PNOC: variants seen among roughly 807,000 people sequenced by gnomAD.
The protein encoded by PNOC is nociceptin.
In PNOC, 10 loss-of-function variants were observed where a neutral mutation model predicts 15.6. That is an observed-to-expected ratio of 0.64 (90% confidence interval 0.40 to 1.09). PNOC has a LOEUF of 1.09. PNOC is among the 50% of genes least tolerant of loss of function. The probability of loss-of-function intolerance (pLI) is 0.01; values close to 1 mark genes in which losing one functional copy is unlikely to be tolerated. For missense variants in PNOC, 220 were observed against 223.9 expected (o/e 0.98, Z 0.11); for synonymous variants, 98 against 88.5 (o/e 1.11, Z -0.60).
In PNOC at chr8:28,339,416, G is replaced by T; in HGVS notation, c.503G>T (p.Arg168Leu). ...AGCATGCAGTCCAGCCAGCGCCGGC[G>T]CACCCTGCACCAGAATGGTAATGTG... ...VLSMQSSQRR[R>L]TLHQNGNV The change falls in exon 3 of 4, where the codon CGC (arginine) becomes CTC (leucine). Residue 168 changes from arginine (R) to leucine (L), a missense_variant. Arg to Leu is a moderately radical substitution (Grantham distance 102). Transcript: ENST00000301908. 2 of 1,544,184 alleles carry T rather than the reference G, an allele frequency of 1.3e-6. No individual in the cohort carries two copies. Among genetic ancestry groups the T allele is most frequent in the Non-Finnish European group, 1.8e-6 (2 of 1,140,086 alleles).
chr8:28,329,393 C>A, intron 2 of PNOC, 110 bp downstream of exon 2: 1 of 1,267,776 alleles, frequency 7.9e-7, no homozygotes, highest in Non-Finnish European at 1.1e-6. Flanking sequence ...CCACAGCTCA[C>A]AGGACTTGCT....
At chr8:28,330,416 A>T (rs1328685360) in intron 2 of PNOC, among the ~76,000 whole-genome samples, 4 of 32,996 alleles carry the variant, frequency 1.2e-4, no homozygotes, top group Non-Finnish European at 4.3e-4. Context: ...TTTTTTTGAG[A>T]CGGAGTCTTG....
intron 1 of PNOC, among the ~76,000 whole-genome samples, chr8:28,320,723 C>T (rs914397860): frequency 7.3e-5 from 11 of 151,674 alleles, no homozygotes; most frequent in East Asian, 1.9e-4. Flanking sequence ...TGGCGGTGGG[C>T]GCCTGTAGTC....
chr8:28,338,939 A>G, intron 2 of PNOC, 101 bp from the exon 3 acceptor site: 1 of 1,190,406 alleles, frequency 8.4e-7, no homozygotes. Context: ...TAGATGCTTC[A>G]GAAGCACTTG....
In PNOC at chr8:28,329,277, C is replaced by T. The variant is rs781084231; in HGVS notation, c.120C>T (p.Asp40=). 12 of 1,613,436 alleles carry T rather than the reference C, an allele frequency of 7.4e-6. No homozygotes were observed. The highest frequency in any genetic ancestry group is 1.1e-5 in the South Asian group (1 of 91,090). The change falls in exon 2 of 4, where the codon GAC becomes GAT. Residue 40 remains aspartate (D), a synonymous_variant. Transcript: ENST00000301908. ...TCCACCCAGCCCTGGACAGCTTCGACCTGGAGGTAGGTCTCCAAGGCAAGG... is the reference window on the plus strand; with the variant it reads ...TCCACCCAGCCCTGGACAGCTTCGATCTGGAGGTAGGTCTCCAAGGCAAGG... ...EKLHPALDSF[D]LEVCILECEE...
intron 2 of PNOC, among the ~76,000 whole-genome samples, chr8:28,335,068 T>C (rs998747945): frequency 6.6e-6 from 1 of 152,150 alleles, no homozygotes; most frequent in Non-Finnish European, 1.5e-5. Flanking sequence ...CTGTGACTAA[T>C]AGGTGGACTT....
At chr8:28,334,996 A>T (rs1391732328) in intron 2 of PNOC, among the ~76,000 whole-genome samples, 1 of 152,190 alleles carries the variant, frequency 6.6e-6, no homozygotes, top group Admixed American at 6.5e-5. Context: ...GCAAAAGCTA[A>T]ATGAAAAAGC....
At chr8:28,327,570 C>T (rs34868559) in intron 1 of PNOC, among the ~76,000 whole-genome samples, 45,791 of 142,180 alleles carry the variant, frequency 0.32, 9,121 homozygotes, top group Non-Finnish European at 0.46. Flanking sequence ...AAATTCTTTT[C>T]TTTTTTTTTT....
At chr8:28,324,612 C>G (rs1174262692) in intron 1 of PNOC, among the ~76,000 whole-genome samples, 1 of 152,152 alleles carries the variant, frequency 6.6e-6, no homozygotes, top group Non-Finnish European at 1.5e-5. Context: ...GTCTGTAATC[C>G]CAGCACTTGG....
chr8:28,329,360 T>C, intron 2 of PNOC, 77 bp downstream of exon 2: 1 of 1,551,712 alleles, frequency 6.4e-7, no homozygotes, highest in Non-Finnish European at 8.8e-7. Flanking sequence ...GAGCAGACTC[T>C]GAGTGAGAAG....
Position 28,339,090 on chromosome 8 carries a change from T to G in PNOC, c.177T>G (p.Thr59=). ...AGGTCTTCCCCAGCCCCCTCTGGACTCCATGCACCAAGGTCATGGCCAGGA... is the reference window on the plus strand; with the variant it reads ...AGGTCTTCCCCAGCCCCCTCTGGACGCCATGCACCAAGGTCATGGCCAGGA... ...EEKVFPSPLW[T]PCTKVMARSS... is the part of the protein sequence containing the mutation. The change falls in exon 3 of 4, where the codon ACT becomes ACG. Residue 59 remains threonine (T), a synonymous_variant. Coordinates refer to ENST00000301908, the MANE Select transcript of PNOC (RefSeq NM_006228.5). The G allele has an allele frequency of 6.2e-7, 1 of 1,602,868 alleles. No homozygotes were observed. The highest frequency in any genetic ancestry group is 8.5e-7 in the Non-Finnish European group (1 of 1,170,550).
chr8:28,318,053 T>A (rs1196142791), intron 1 of PNOC, among the ~76,000 whole-genome samples: 4 of 151,822 alleles, frequency 2.6e-5, no homozygotes, highest in African/African-American at 9.7e-5. Context: ...CCTGCCCATC[T>A]CCCCCACCTA....
At chr8:28,333,779 C>T (rs183521736) in intron 2 of PNOC, among the ~76,000 whole-genome samples, 9 of 152,268 alleles carry the variant, frequency 5.9e-5, no homozygotes, top group South Asian at 4.1e-4. Flanking sequence ...CATAAACTGA[C>T]GGAGCAGAAA....
chr8:28,336,006 G>A (rs1439523674), intron 2 of PNOC, among the ~76,000 whole-genome samples: 1 of 131,260 alleles, frequency 7.6e-6, no homozygotes, highest in African/African-American at 2.5e-5. Context: ...GCAGCAGGGT[G>A]ACAGGAGCTG....
chr8:28,340,052 T>C (rs1284567803), intron 3 of PNOC: 1 of 152,232 alleles, frequency 6.6e-6, no homozygotes, highest in East Asian at 1.9e-4. Context: ...TTAGGAGTTG[T>C]GGTTTCTGCT....
intron 3 of PNOC, among the ~76,000 whole-genome samples, chr8:28,341,635 A>G (rs1034292189): frequency 4.6e-5 from 7 of 152,162 alleles, no homozygotes; most frequent in African/African-American, 1.7e-4. Flanking sequence ...GGTTTTTCTA[A>G]TCTTCTATTA....
intron 1 of PNOC, among the ~76,000 whole-genome samples, chr8:28,327,213 T>C (rs1414528506): frequency 6.6e-6 from 1 of 152,236 alleles, no homozygotes; most frequent in East Asian, 1.9e-4. Flanking sequence ...TACCTAAAGA[T>C]GGTTCTACAG....
chr8:28,329,296 G>A lies in PNOC; in HGVS notation c.126+13G>A. On this transcript the variant is annotated intron_variant, in intron 2 of 3. Transcript: ENST00000301908. ...CTTCGACCTGGAGGTAGGTCTCCAA[G>A]GCAAGGCAGAGAGGCTGTCCTCCTC... 1 of 1,612,136 alleles carries A rather than the reference G, an allele frequency of 6.2e-7. No individual in the cohort carries two copies.
chr8:28,334,376 T>C (rs1451749455), intron 2 of PNOC, among the ~76,000 whole-genome samples: 1 of 152,162 alleles, frequency 6.6e-6, no homozygotes, highest in African/African-American at 2.4e-5. Context: ...CCAGGTATCA[T>C]CCAGTCTCAG....
Sources: allele counts gnomAD v4.1 joint callset (sites outside exome capture counted in the v4.1 genomes callset), GRCh38; gene constraint gnomAD v4.1.1; transcripts MANE v1.5; gene names NCBI Gene and HGNC (gene_info 2026-07-23, HGNC 2026-07-21).